Variants in CLSTN2 observed in about 807,000 individuals in gnomAD.
CLSTN2 encodes calsyntenin-2.
CLSTN2 carries 48 observed loss-of-function variants against 101.2 expected under a neutral mutation model. The ratio of observed to expected loss-of-function variants is 0.47; its 90% CI spans 0.38 to 0.60. The LOEUF (loss-of-function observed/expected upper bound fraction) is 0.60, where lower values mean the gene tolerates loss of function less well. Ranked by LOEUF, CLSTN2 falls within the 20% of genes least tolerant of loss-of-function variation. The pLI, the probability that CLSTN2 is intolerant of heterozygous loss-of-function variation, is 0.00. For synonymous variants in CLSTN2, 481 were observed against 463.6 expected (o/e 1.04, Z -0.48); for missense variants, 1,160 against 1,238.2 (o/e 0.94, Z 0.95).
intron 1 of CLSTN2, among the ~76,000 whole-genome samples, chr3:139,950,103 G>A (rs1026580464): frequency 1.3e-5 from 2 of 152,186 alleles, no homozygotes; most frequent in African/African-American, 4.8e-5. Flanking sequence ...AGATTTCCAG[G>A]TTGTGTATGT....
Position 140,563,853 on chromosome 3 carries a change from G to A in CLSTN2, c.2483-108G>A. On this transcript the variant is annotated intron_variant, in intron 15 of 16. Coordinates refer to ENST00000458420, the MANE Select transcript of CLSTN2 (RefSeq NM_022131.3). Reference sequence around the variant, plus strand: ...TGCTCTAGAGTTCTACAGCTGGGAAGTGGTAGGGCAGACTTTATCCTATGC... The same window carrying A: ...TGCTCTAGAGTTCTACAGCTGGGAAATGGTAGGGCAGACTTTATCCTATGC... 3.7e-6 allele frequency: 4 copies of A among 1,089,688 alleles called. No individual in the cohort carries two copies. The South Asian group carries it at 5.7e-5, about 15-fold the overall frequency. 67.5% of individuals were successfully genotyped at this position (1,089,688 alleles called of 1,614,324 possible).
chr3:140,032,863 G>A (rs1430931897), intron 1 of CLSTN2, among the ~76,000 whole-genome samples: 1 of 152,152 alleles, frequency 6.6e-6, no homozygotes, highest in African/African-American at 2.4e-5. Context: ...ATGCTCCTCT[G>A]GGTTTGTCTG....
rs1344491262 is a variant in CLSTN2 at position 140,549,659 on chromosome 3, A to G, written c.1674+2978A>G. ...TTCATGCTCTTTCTTCCATATCAGCAACTCAGATTAGAAGACATTCTTGAA... is the reference window on the plus strand; with the variant it reads ...TTCATGCTCTTTCTTCCATATCAGCGACTCAGATTAGAAGACATTCTTGAA... On this transcript the variant is annotated intron_variant, in intron 10 of 16. Transcript: ENST00000458420. 1.3e-5 allele frequency among the ~76,000 whole-genome samples: 2 copies of G among 149,104 alleles called. 1 individual carries two copies. Among genetic ancestry groups the G allele is most frequent in the African/African-American group, 5.1e-5 (2 of 39,448 alleles).
intron 2 of CLSTN2, among the ~76,000 whole-genome samples, chr3:140,206,042 C>A (rs2010777793): frequency 6.6e-6 from 1 of 152,126 alleles, no homozygotes. Flanking sequence ...CTTGAATCCA[C>A]TCATTAAAAA....
intron 1 of CLSTN2, among the ~76,000 whole-genome samples, chr3:140,146,982 G>A (rs895315439): frequency 2.0e-5 from 3 of 152,188 alleles, no homozygotes; most frequent in Non-Finnish European, 4.4e-5. Context: ...CAACCAGCTG[G>A]CACCATGAAA....
At chr3:139,940,508 A>G (rs1209658551) in intron 1 of CLSTN2, among the ~76,000 whole-genome samples, 1 of 147,704 alleles carries the variant, frequency 6.8e-6, no homozygotes, top group East Asian at 2.1e-4. Context: ...TCACTTGAAC[A>G]GTTAGTTTAG....
chr3:140,146,022 C>T (rs924430862), intron 1 of CLSTN2, among the ~76,000 whole-genome samples: 4 of 152,196 alleles, frequency 2.6e-5, no homozygotes, highest in African/African-American at 9.7e-5. Context: ...TCATAAAATG[C>T]TTGGAGCCAC....
rs368987589 is a variant in CLSTN2, at chr3:140,252,926, T to G, written c.232+76853T>G. ...GATGGCTAGATCTGTGTGGCCAGTGTGTCTCTGTGGAAGCCAGGGTGACCA... is the reference window on the plus strand; with the variant it reads ...GATGGCTAGATCTGTGTGGCCAGTGGGTCTCTGTGGAAGCCAGGGTGACCA... On this transcript the variant is annotated intron_variant, in intron 2 of 16. Coordinates refer to ENST00000458420, the MANE Select transcript of CLSTN2 (RefSeq NM_022131.3). Among the ~76,000 whole-genome samples the G allele has an allele frequency of 7.9e-5, 12 of 152,156 alleles. No homozygotes were observed. The East Asian group carries it at 1.3e-3, about 17-fold the overall frequency.
chr3:140,270,288 G>A (rs983366432), intron 2 of CLSTN2, among the ~76,000 whole-genome samples: 4 of 152,160 alleles, frequency 2.6e-5, no homozygotes, highest in African/African-American at 9.6e-5. Flanking sequence ...ACCCAGGATG[G>A]AGGTGGACTC....
Position 140,466,591 on chromosome 3 carries a change from CCTT to C in CLSTN2, c.1223-15_1223-13del, listed in dbSNP as rs544938892. 1.3e-4 allele frequency: 203 copies of C among 1,614,086 alleles called. 1 individual carries two copies. In the East Asian group the frequency reaches 2.6e-3, roughly 21 times the overall value. On this transcript the variant is annotated splice_polypyrimidine_tract_variant and intron_variant, in intron 7 of 16. Transcript: ENST00000458420. ...CACAGGGGTTCTCTCACTCTTCAAACCTTCTTTCTGCTTTTCAGAAATGAACCG... is the reference window on the plus strand; with the variant it reads ...CACAGGGGTTCTCTCACTCTTCAAACCTTTCTGCTTTTCAGAAATGAACCG...
intron 1 of CLSTN2, among the ~76,000 whole-genome samples, chr3:140,058,701 T>C (rs1159541125): frequency 6.6e-6 from 1 of 151,596 alleles, no homozygotes; most frequent in Non-Finnish European, 1.5e-5. Flanking sequence ...GAGGGAGATA[T>C]GCAAAATTTT....
At chr3:140,403,106 G>T (rs143637094) in intron 2 of CLSTN2, among the ~76,000 whole-genome samples, 1 of 152,110 alleles carries the variant, frequency 6.6e-6, no homozygotes, top group Non-Finnish European at 1.5e-5. Context: ...AAACATTAAC[G>T]CAGCTGAAGG....
At chr3:140,478,218 A>C (rs1163868812) in intron 8 of CLSTN2, among the ~76,000 whole-genome samples, 1 of 152,150 alleles carries the variant, frequency 6.6e-6, no homozygotes, top group African/African-American at 2.4e-5. Flanking sequence ...TTTTTTAAAA[A>C]AATTATCTAA....
At chr3:140,157,845 AG>A (rs976899429) in intron 1 of CLSTN2, among the ~76,000 whole-genome samples, 1 of 152,226 alleles carries the variant, frequency 6.6e-6, no homozygotes, top group African/African-American at 2.4e-5. Context: ...CTGGGATGCA[AG>A]GCTGGTTCAA....
intron 2 of CLSTN2, among the ~76,000 whole-genome samples, chr3:140,236,991 C>A (rs1361800990): frequency 6.6e-6 from 1 of 151,940 alleles, no homozygotes; most frequent in Non-Finnish European, 1.5e-5. Context: ...ACTTCTGGGT[C>A]TATTTCTACG....
Position 140,225,728 on chromosome 3 carries a change from C to G in CLSTN2, c.232+49655C>G, listed in dbSNP as rs185626191. Among the ~76,000 whole-genome samples, 217 of 152,210 alleles carry G rather than the reference C, an allele frequency of 1.4e-3. 1 individual carries two copies. Among genetic ancestry groups the G allele is most frequent in the African/African-American group, 5.2e-3 (214 of 41,532 alleles). On this transcript the variant is annotated intron_variant, in intron 2 of 16. Coordinates refer to ENST00000458420, the MANE Select transcript of CLSTN2 (RefSeq NM_022131.3). ...GGCAAGGATGTACTCAATCTCCTGACCTCATCATCTACCACCTCGGCCTCC... is the reference window on the plus strand; with the variant it reads ...GGCAAGGATGTACTCAATCTCCTGAGCTCATCATCTACCACCTCGGCCTCC...
At chr3:140,289,712 A>G (rs2086931387) in intron 2 of CLSTN2, among the ~76,000 whole-genome samples, 1 of 152,120 alleles carries the variant, frequency 6.6e-6, no homozygotes, top group Admixed American at 6.6e-5. Context: ...AAAAAGATAC[A>G]TCTGTATGAG....
Position 140,566,702 on chromosome 3 carries a change from A to C in CLSTN2, c.*449A>C, listed in dbSNP as rs1985260165. On this transcript the variant is annotated 3_prime_UTR_variant, in exon 17 of 17. Coordinates refer to ENST00000458420, the MANE Select transcript of CLSTN2 (RefSeq NM_022131.3). ...TGACTCCAGGTTGCTTCATACAAGG[A>C]GGGTGGTTGAACTTCACACACGTAA... The C allele has an allele frequency of 5.2e-6, 1 of 194,084 alleles. No individual in the cohort carries two copies. The highest frequency in any genetic ancestry group is 1.2e-4 in the South Asian group (1 of 8,544). The allele number at this position is 194,084 out of a possible 1,614,324, so 12.0% of individuals were successfully genotyped here. A position where few individuals can be genotyped will look rare whatever the true frequency, so the allele number is the denominator to read the frequency against.
At chr3:140,134,267 C>T (rs1358194565) in intron 1 of CLSTN2, among the ~76,000 whole-genome samples, 1 of 152,194 alleles carries the variant, frequency 6.6e-6, no homozygotes, top group African/African-American at 2.4e-5. Flanking sequence ...TGCTCATTCT[C>T]TAAGCTGAAT....
Sources: allele counts gnomAD v4.1 joint callset (sites outside exome capture counted in the v4.1 genomes callset), GRCh38; gene constraint gnomAD v4.1.1; transcripts MANE v1.5; gene names NCBI Gene and HGNC (gene_info 2026-07-23, HGNC 2026-07-21).